DNAJC10: variants seen among roughly 807,000 people sequenced by gnomAD.
DNAJC10 encodes DnaJ heat shock protein family (Hsp40) member C10, also known as endoplasmic reticulum disulfide reductase DNAJC10.
In DNAJC10, 101 loss-of-function variants were observed where a neutral mutation model predicts 115.0. That is an observed-to-expected ratio of 0.88 (90% confidence interval 0.75 to 1.04). The LOEUF is 1.04. Ranked by LOEUF, DNAJC10 falls within the 50% of genes least tolerant of loss-of-function variation. The pLI is 0.00. For synonymous variants in DNAJC10, 307 were observed against 301.5 expected, an observed-to-expected ratio of 1.02 and a Z score of -0.19; for missense variants, 981 against 928.8, an observed-to-expected ratio of 1.06 and a Z score of -0.73.
intron 17 of DNAJC10, among the ~76,000 whole-genome samples, chr2:182,755,436 CTT>C (rs76238413): frequency 7.4e-6 from 1 of 134,824 alleles, no homozygotes; most frequent in Non-Finnish European, 1.6e-5. Context: ...TCTACAGCAT[CTT>C]TTTTTTTTTT....
At chr2:182,752,632 T>C (rs1694052145) in intron 16 of DNAJC10, 1 of 859,978 alleles carries the variant, frequency 1.2e-6, no homozygotes. Flanking sequence ...AGGTAAATAT[T>C]CACTCCTCAG....
intron 21 of DNAJC10, among the ~76,000 whole-genome samples, chr2:182,760,777 G>T (rs1488981188): frequency 6.6e-6 from 1 of 152,070 alleles, no homozygotes; most frequent in Admixed American, 6.6e-5. Flanking sequence ...AGCATCCCAG[G>T]CCATGGGAAT....
chr2:182,764,472 C>T lies in DNAJC10; in HGVS notation c.2265+1671C>T, dbSNP rs201720291. Among the ~76,000 whole-genome samples, 5 of 152,180 alleles carry T rather than the reference C, an allele frequency of 3.3e-5. No individual in the cohort carries two copies. The East Asian group carries it at 9.7e-4, about 29-fold the overall frequency. ...TTCTAAATAGGTGCAGGGTGGAATC[C>T]TCTTCCTAGCTCCAAGTTAAATTTA... On this transcript the variant is annotated intron_variant, in intron 22 of 23. Transcript: ENST00000264065.
intron 5 of DNAJC10, among the ~76,000 whole-genome samples, chr2:182,722,854 C>T (rs556825218): frequency 1.3e-5 from 2 of 151,948 alleles, no homozygotes; most frequent in South Asian, 4.2e-4. Context: ...GCACAAGAAT[C>T]GCGTGAATCT....
intron 16 of DNAJC10, 97 bp downstream of exon 16, chr2:182,752,285 A>G (rs917101418): frequency 1.8e-6 from 1 of 560,206 alleles, no homozygotes; most frequent in Admixed American, 3.4e-5. Context: ...TAGAAATAAT[A>G]CATCTTCTAT....
Position 182,750,281 on chromosome 2 carries a change from A to C in DNAJC10, c.1307-1377A>C, listed in dbSNP as rs546395140. ...TGGATTAGTTAAGGAAGACTGGGTG[A>C]AGAAACACTAGCTAGGTTATTGCAG... is the stretch of plus-strand genomic sequence containing the variant. On this transcript the variant is annotated intron_variant, in intron 14 of 23. Transcript: ENST00000264065. 1.2e-3 allele frequency among the ~76,000 whole-genome samples: 186 copies of C among 152,302 alleles called. 1 individual carries two copies. Among genetic ancestry groups the C allele is most frequent in the African/African-American group, 4.2e-3 (176 of 41,566 alleles).
Position 182,729,961 on chromosome 2 carries a change from T to C in DNAJC10, c.727+20T>C. The C allele has an allele frequency of 6.6e-7, 1 of 1,504,990 alleles. No homozygotes were observed. The highest frequency in any genetic ancestry group is 9.1e-7 in the Non-Finnish European group (1 of 1,093,720). The allele number at this position is 1,504,990 out of a possible 1,614,324, so 93.2% of individuals were successfully genotyped here. A position where few individuals can be genotyped will look rare whatever the true frequency, so the allele number is the denominator to read the frequency against. The stretch of plus-strand genomic sequence containing the variant: ...GGACAGGTAATTTTATTTTCTTAAT[T>C]TGCTTGATTTTCAGGGTATTTTGAA... On this transcript the variant is annotated intron_variant, in intron 8 of 23. Coordinates refer to ENST00000264065, the MANE Select transcript of DNAJC10 (RefSeq NM_018981.4).
At chr2:182,772,493 G>A (rs1186585174) in intron 22 of DNAJC10, among the ~76,000 whole-genome samples, 1 of 152,102 alleles carries the variant, frequency 6.6e-6, no homozygotes, top group Non-Finnish European at 1.5e-5. Flanking sequence ...ATGAATCTGG[G>A]TGCTCCTGTA....
At chr2:182,746,870 T>G (rs371432964) in intron 14 of DNAJC10, among the ~76,000 whole-genome samples, 2 of 151,910 alleles carry the variant, frequency 1.3e-5, no homozygotes, top group African/African-American at 4.8e-5. Flanking sequence ...TTAGGTCTAA[T>G]GTTTAAGTCT....
chr2:182,774,948 C>T (rs1253143146), intron 22 of DNAJC10, among the ~76,000 whole-genome samples: 2 of 152,222 alleles, frequency 1.3e-5, no homozygotes, highest in African/African-American at 2.4e-5. Flanking sequence ...GTGTTGATCA[C>T]ACTAGGAGCT....
rs186821326 is a variant in DNAJC10, at chr2:182,746,418, T to C, written c.1306+2706T>C. Reference sequence around the variant, plus strand: ...CTGTTGTTTTCTGACTTTTTAATGATTGCCATTCAAACTGGTGTGAGATGG... The same window carrying C: ...CTGTTGTTTTCTGACTTTTTAATGACTGCCATTCAAACTGGTGTGAGATGG... On this transcript the variant is annotated intron_variant, in intron 14 of 23. Transcript: ENST00000264065. 3.2e-3 allele frequency among the ~76,000 whole-genome samples: 489 copies of C among 152,244 alleles called. 1 individual carries two copies. The highest frequency in any genetic ancestry group is 0.011 in the African/African-American group (469 of 41,536).
At position 182,793,860 on chromosome 2, in the gene DNAJC10, ACACACT is replaced by A. The variant is rs1414773350; in HGVS notation, c.*16729_*16734del. 4 of 145,714 alleles carry A rather than the reference ACACACT, an allele frequency of 2.7e-5. No individual in the cohort carries two copies. Among genetic ancestry groups the A allele is most frequent in the Non-Finnish European group, 4.6e-5 (3 of 65,634 alleles). 9.0% of individuals were successfully genotyped at this position (145,714 alleles called of 1,614,324 possible). A position where few individuals can be genotyped will look rare whatever the true frequency, so the allele number is the denominator to read the frequency against. On this transcript the variant is annotated 3_prime_UTR_variant, in exon 24 of 24. Transcript: ENST00000264065. Reference sequence around the variant, plus strand: ...CACACACACACACACACACACACACACACACTACCTACAAAAAAATAACAATTAGAA... The same window carrying A: ...CACACACACACACACACACACACACAACCTACAAAAAAATAACAATTAGAA...
At chr2:182,748,766 C>A (rs1237826142) in intron 14 of DNAJC10, among the ~76,000 whole-genome samples, 3 of 152,082 alleles carry the variant, frequency 2.0e-5, no homozygotes, top group Non-Finnish European at 4.4e-5. Flanking sequence ...AATTTTGGAT[C>A]TTTCCTGCTT....
At chr2:182,719,229 G>C (rs575488857) in intron 3 of DNAJC10, among the ~76,000 whole-genome samples, 2 of 145,288 alleles carry the variant, frequency 1.4e-5, no homozygotes, top group African/African-American at 5.2e-5. Flanking sequence ...AAACATTTCC[G>C]ATCCAATTTT....
intron 22 of DNAJC10, among the ~76,000 whole-genome samples, chr2:182,772,934 T>G (rs895919202): frequency 6.6e-6 from 1 of 152,240 alleles, no homozygotes; most frequent in Non-Finnish European, 1.5e-5. Flanking sequence ...CTTCATAGCA[T>G]CAATGGTCTT....
intron 16 of DNAJC10, 133 bp downstream of exon 16, chr2:182,752,321 C>T: frequency 2.1e-6 from 1 of 469,326 alleles, no homozygotes; most frequent in Non-Finnish European, 3.5e-6. Flanking sequence ...ATTATTTAAA[C>T]AAAATAATAT....
At chr2:182,756,753 C>T (rs1694166948) in intron 18 of DNAJC10, among the ~76,000 whole-genome samples, 1 of 152,086 alleles carries the variant, frequency 6.6e-6, no homozygotes, top group Non-Finnish European at 1.5e-5. Flanking sequence ...TCACCGCAAC[C>T]TCAACCACCC....
chr2:182,718,908 G>T (rs370450032), intron 3 of DNAJC10, among the ~76,000 whole-genome samples: 1 of 151,944 alleles, frequency 6.6e-6, no homozygotes, highest in South Asian at 2.1e-4. Context: ...GAGATTTAGC[G>T]TTCATCATTA....
chr2:182,763,275 A>C (rs187526591), intron 22 of DNAJC10, among the ~76,000 whole-genome samples: 2 of 152,254 alleles, frequency 1.3e-5, no homozygotes, highest in East Asian at 3.9e-4. Context: ...AAGAACAATG[A>C]TAAAGTATTT....
Sources: allele counts gnomAD v4.1 joint callset (sites outside exome capture counted in the v4.1 genomes callset), GRCh38; gene constraint gnomAD v4.1.1; transcripts MANE v1.5; gene names NCBI Gene and HGNC (gene_info 2026-07-23, HGNC 2026-07-21).